Variants in IQCH observed in about 807,000 individuals in gnomAD.
IQCH encodes the protein IQ domain-containing protein H.
A neutral mutation model predicts 117.0 loss-of-function variants in IQCH; 98 were observed. That is an observed-to-expected ratio of 0.84 (90% confidence interval 0.71 to 0.99). IQCH has a LOEUF of 0.99. Ranked by LOEUF, IQCH falls within the 50% of genes least tolerant of loss-of-function variation. IQCH has a pLI of 0.00. For synonymous variants in IQCH, 412 were observed against 448.2 expected, an observed-to-expected ratio of 0.92 and a Z score of 1.02; for missense variants, 1,102 against 1,243.8, an observed-to-expected ratio of 0.89 and a Z score of 1.72.
rs961905518 is a variant in IQCH, at chr15:67,335,554, A to G, written c.388-1421A>G. Among the ~76,000 whole-genome samples, 7 of 152,326 alleles carry G rather than the reference A, an allele frequency of 4.6e-5. No individual in the cohort carries two copies. The East Asian group carries it at 1.2e-3, about 25-fold the overall frequency. On this transcript the variant is annotated intron_variant, in intron 4 of 20. Coordinates refer to ENST00000335894, the MANE Select transcript of IQCH (RefSeq NM_001031715.3). ...CCTGCTAGAGCACAGTGCATTGGATATCTCAGCCTTACTGATTAGGAGGAG... is the reference window on the plus strand; with the variant it reads ...CCTGCTAGAGCACAGTGCATTGGATGTCTCAGCCTTACTGATTAGGAGGAG...
rs1300898972 is a variant in IQCH at position 67,391,968 on chromosome 15, T to A, written c.1632+2962T>A. Among the ~76,000 whole-genome samples the A allele has an allele frequency of 6.6e-6, 1 of 152,138 alleles. No homozygotes were observed. The highest frequency in any genetic ancestry group is 1.5e-5 in the Non-Finnish European group (1 of 68,030). On this transcript the variant is annotated intron_variant, in intron 12 of 20. Transcript: ENST00000335894. This position sits in a 1 kb window ranked among gnomAD's most constrained non-coding sequence, Gnocchi z 4.3. ...TTAGGTTCTATTGCTGCATCTGCCA[T>A]CCCCCTTCACATCTCAAAAACCCAC...
intron 16 of IQCH, among the ~76,000 whole-genome samples, chr15:67,423,402 C>CA (rs888507744): frequency 1.3e-5 from 2 of 151,584 alleles, no homozygotes; most frequent in African/African-American, 4.8e-5. Flanking sequence ...CCCATGTCTA[C>CA]AAAAAAATAC....
intron 4 of IQCH, among the ~76,000 whole-genome samples, chr15:67,335,134 T>G (rs1482569383): frequency 1.3e-5 from 2 of 152,144 alleles, no homozygotes; most frequent in Non-Finnish European, 2.9e-5. Flanking sequence ...TTCGGTCTGG[T>G]TTTTACATTG....
rs2140830930 is a variant in IQCH at position 67,385,248 on chromosome 15, G to A, written c.1456+229G>A. Among the ~76,000 whole-genome samples, 1 of 152,224 alleles carries A rather than the reference G, an allele frequency of 6.6e-6. No homozygotes were observed. Among genetic ancestry groups the A allele is most frequent in the East Asian group, 1.9e-4 (1 of 5,172 alleles). ...ACATTTTAACCAATTTACTTGGGCA[G>A]TTTTCTAGATTATCTTTGCTGCAGG... On this transcript the variant is annotated intron_variant, in intron 11 of 20. Coordinates refer to ENST00000335894, the MANE Select transcript of IQCH (RefSeq NM_001031715.3). The surrounding 1 kb of genome is among the most constrained non-coding windows in gnomAD (Gnocchi z 4.6).
In IQCH at chr15:67,459,702, C is replaced by T. The variant is rs2082742509; in HGVS notation, c.2506-5425C>T. The stretch of plus-strand genomic sequence containing the variant: ...TCTGCTGGCTCTCACCTGCCCAAGG[C>T]CTCCAGATGCAGCTGTGGTTCACAC... On this transcript the variant is annotated intron_variant, in intron 16 of 20. Transcript: ENST00000335894. The surrounding 1 kb of genome is among the most constrained non-coding windows in gnomAD (Gnocchi z 4.2). The T allele has an allele frequency of 2.6e-5, 4 of 152,414 alleles. No individual in the cohort carries two copies. The highest frequency in any genetic ancestry group is 2.6e-4 in the Admixed American group (4 of 15,272). 9.4% of individuals were successfully genotyped at this position (152,414 alleles called of 1,614,324 possible).
chr15:67,307,290 T>G (rs1479281136), intron 4 of IQCH: 3 of 455,632 alleles, frequency 6.6e-6, no homozygotes, highest in Non-Finnish European at 8.7e-6. Flanking sequence ...ATTTTATGAG[T>G]CATATGTTAT....
chr15:67,423,587 CAA>C (rs551556730), intron 16 of IQCH, among the ~76,000 whole-genome samples: 23 of 76,704 alleles, frequency 3.0e-4, no homozygotes, highest in Admixed American at 4.3e-4. Context: ...GAACCTGTCT[CAA>C]AAAAAAAAAA....
chr15:67,484,584 A>G (rs2083424170), intron 18 of IQCH, among the ~76,000 whole-genome samples: 1 of 150,736 alleles, frequency 6.6e-6, no homozygotes, highest in African/African-American at 2.4e-5. Flanking sequence ...CAAAAAAAAA[A>G]AAAAAAAATA....
intron 12 of IQCH, among the ~76,000 whole-genome samples, chr15:67,394,258 A>G (rs750355346): frequency 6.6e-5 from 10 of 152,218 alleles, no homozygotes; most frequent in Admixed American, 1.3e-4. Context: ...GTACTAGCTA[A>G]CATTCATTAA....
chr15:67,438,969 A>G lies in IQCH; in HGVS notation c.2505+17392A>G, dbSNP rs139701856. Among the ~76,000 whole-genome samples the G allele has an allele frequency of 2.4e-3, 366 of 152,372 alleles. 2 individuals are homozygous for G. The highest frequency in any genetic ancestry group is 8.1e-3 in the African/African-American group (338 of 41,588). ...AAAGCAATAATAGTTGGGGACTTCA[A>G]TACTCCACTGACACCACTGGACAGG... On this transcript the variant is annotated intron_variant, in intron 16 of 20. Transcript: ENST00000335894.
chr15:67,355,478 T>C (rs1969853653), intron 6 of IQCH, among the ~76,000 whole-genome samples: 1 of 151,896 alleles, frequency 6.6e-6, no homozygotes, highest in Non-Finnish European at 1.5e-5. Flanking sequence ...TAGTCTCAGC[T>C]ATTCTGGAGG....
At position 67,481,677 on chromosome 15, in the gene IQCH, A is replaced by AGGCATAGAGGC. The variant is rs1476865279; in HGVS notation, c.2799+5859_2799+5860insGGCATAGAGGC. Among the ~76,000 whole-genome samples the AGGCATAGAGGC allele has an allele frequency of 2.6e-5, 4 of 152,240 alleles. No homozygotes were observed. Among genetic ancestry groups the AGGCATAGAGGC allele is most frequent in the African/African-American group, 9.6e-5 (4 of 41,470 alleles). ...GCCTCATAGGCTTAAGATAACTGAA[A>AGGCATAGAGGC]TTAAGAGAGAGGCATAGAAGCAAGA... On this transcript the variant is annotated intron_variant, in intron 18 of 20. Transcript: ENST00000335894. The surrounding 1 kb of genome is among the most constrained non-coding windows in gnomAD (Gnocchi z 4.1).
At chr15:67,471,651 T>C (rs2083074270) in intron 17 of IQCH, among the ~76,000 whole-genome samples, 1 of 152,246 alleles carries the variant, frequency 6.6e-6, no homozygotes, top group East Asian at 1.9e-4. Context: ...ACCTTATCTT[T>C]GAAACTATTT....
intron 6 of IQCH, among the ~76,000 whole-genome samples, chr15:67,354,407 G>A (rs1483608593): frequency 6.6e-6 from 1 of 151,962 alleles, no homozygotes; most frequent in African/African-American, 2.4e-5. Flanking sequence ...TAATGATAAG[G>A]GAAAATCCTC....
At chr15:67,299,445 T>G (rs1567076790) in intron 4 of IQCH, among the ~76,000 whole-genome samples, 1 of 152,120 alleles carries the variant, frequency 6.6e-6, no homozygotes, top group Non-Finnish European at 1.5e-5. Flanking sequence ...AACTGGATTG[T>G]TTGTAATACA....
At position 67,416,921 on chromosome 15, in the gene IQCH, G is replaced by A. The variant is rs1567170344; in HGVS notation, c.2098-10G>A. ...AATTGCTTGTGGTTCTATTTAATTT[G>A]TTTCTGCAGGAGCCAGCTTTGGTGA... On this transcript the variant is annotated splice_polypyrimidine_tract_variant and intron_variant, in intron 14 of 20. Transcript: ENST00000335894. The surrounding 1 kb of genome is among the most constrained non-coding windows in gnomAD (Gnocchi z 5.1). The A allele has an allele frequency of 6.3e-7, 1 of 1,575,932 alleles. No homozygotes were observed. The highest frequency in any genetic ancestry group is 8.6e-7 in the Non-Finnish European group (1 of 1,162,918).
intron 13 of IQCH, among the ~76,000 whole-genome samples, chr15:67,397,826 G>A (rs970043394): frequency 2.6e-5 from 4 of 152,084 alleles, no homozygotes; most frequent in African/African-American, 9.7e-5. Context: ...ATTTTGTTTA[G>A]GATTAATTTG....
intron 4 of IQCH, among the ~76,000 whole-genome samples, chr15:67,317,264 G>A (rs748304995): frequency 1.3e-5 from 2 of 151,942 alleles, no homozygotes; most frequent in Non-Finnish European, 2.9e-5. Flanking sequence ...CCAGGCTGGC[G>A]TGATCTCAGC....
At chr15:67,435,540 C>T (rs2082117412) in intron 16 of IQCH, among the ~76,000 whole-genome samples, 2 of 151,836 alleles carry the variant, frequency 1.3e-5, no homozygotes. Flanking sequence ...GCCAAGACTG[C>T]ACCACTGCAC....
Sources: gnomAD v4.1 joint callset for allele counts (sites outside exome capture counted in the v4.1 genomes callset) on GRCh38, gnomAD v4.1.1 for gene constraint, Gnocchi (gnomAD v3.1) non-coding constraint, MANE v1.5 for transcripts, NCBI Gene and HGNC (gene_info 2026-07-23, HGNC 2026-07-21) for gene names.